Variants in ADAMTS14 observed in about 807,000 individuals in gnomAD.
ADAMTS14 encodes the protein A disintegrin and metalloproteinase with thrombospondin motifs 14.
ADAMTS14 carries 100 observed loss-of-function variants against 128.6 expected under a neutral mutation model. The ratio of observed to expected loss-of-function variants is 0.78; its 90% CI spans 0.66 to 0.92. The LOEUF (loss-of-function observed/expected upper bound fraction) is 0.92, where lower values mean the gene tolerates loss of function less well. ADAMTS14 is among the 40% of genes least tolerant of loss of function. ADAMTS14 has a pLI of 0.00. For missense variants in ADAMTS14, 1,562 were observed against 1,658.6 expected, an observed-to-expected ratio of 0.94 and a Z score of 1.01; for synonymous variants, 665 against 653.8, an observed-to-expected ratio of 1.02 and a Z score of -0.26.
chr10:70,734,573 C>G (rs1841764375), intron 8 of ADAMTS14, among the ~76,000 whole-genome samples: 1 of 152,204 alleles, frequency 6.6e-6, no homozygotes, highest in Admixed American at 6.5e-5. Flanking sequence ...CCATCCTTGG[C>G]CCCAGCAGCA....
intron 19 of ADAMTS14, among the ~76,000 whole-genome samples, chr10:70,757,565 G>A (rs1446486412): frequency 6.6e-6 from 1 of 152,068 alleles, no homozygotes; most frequent in South Asian, 2.1e-4. Flanking sequence ...ATTGCAACAG[G>A]GGAGTTTGCT....
intron 2 of ADAMTS14, among the ~76,000 whole-genome samples, chr10:70,700,346 G>T (rs1254148193): frequency 2.6e-5 from 4 of 152,120 alleles, no homozygotes; most frequent in Non-Finnish European, 5.9e-5. Context: ...TCCTTCCCGG[G>T]TTGGTTTCTT....
intron 6 of ADAMTS14, among the ~76,000 whole-genome samples, chr10:70,731,347 C>T (rs968186781): frequency 1.4e-4 from 21 of 152,186 alleles, no homozygotes; most frequent in Admixed American, 7.9e-4. Flanking sequence ...AACAGAGGCC[C>T]CAGAAACCTC....
chr10:70,736,591 C>T lies in ADAMTS14; in HGVS notation c.1486-89C>T. ...CTGCAGTGCCCTGGGTGCCTGCACT[C>T]ATCACACCCTCTTTTCTCTCCATCA... On this transcript the variant is annotated intron_variant, in intron 9 of 21. Coordinates refer to ENST00000373207, the MANE Select transcript of ADAMTS14 (RefSeq NM_080722.4). The T allele has an allele frequency of 1.2e-5, 15 of 1,267,338 alleles. No homozygotes were observed. In the South Asian group the frequency reaches 1.6e-4, roughly 13 times the overall value. The allele number at this position is 1,267,338 out of a possible 1,614,324, so 78.5% of individuals were successfully genotyped here. A position where few individuals can be genotyped will look rare whatever the true frequency, so the allele number is the denominator to read the frequency against.
chr10:70,735,180 G>A lies in ADAMTS14; in HGVS notation c.1364G>A (p.Cys455Tyr), dbSNP rs1200623279. Reference protein sequence around the residue: ...ELSRYLPSYDCLLDDPFDPAW... With the variant: ...ELSRYLPSYDYLLDDPFDPAW... Reference sequence around the variant, plus strand: ...GTCTCTACTGGCAGCTCCTACGACTGCCTCCTCGATGACCCCTTTGATCCT... The same window carrying A: ...GTCTCTACTGGCAGCTCCTACGACTACCTCCTCGATGACCCCTTTGATCCT... The change falls in exon 9 of 22, where the codon TGC (cysteine) becomes TAC (tyrosine). Residue 455 changes from cysteine to tyrosine, a missense_variant. By Grantham distance (194) the Cys-to-Tyr change is radical. Transcript: ENST00000373207. 8 of 1,612,392 alleles carry A rather than the reference G, an allele frequency of 5.0e-6. No individual in the cohort carries two copies. In the Admixed American group the frequency reaches 1.2e-4, roughly 24 times the overall value.
intron 2 of ADAMTS14, among the ~76,000 whole-genome samples, chr10:70,682,745 G>A (rs1424217958): frequency 6.6e-6 from 1 of 152,098 alleles, no homozygotes; most frequent in Non-Finnish European, 1.5e-5. Context: ...ACTCCCAGAG[G>A]GGTCTCTGGG....
At position 70,759,129 on chromosome 10, in the gene ADAMTS14, T is replaced by TTTTTTTTTTTTTTTTTGAG. The variant is rs1485675752; in HGVS notation, c.3178+844_3178+845insTTTTTTTTTTTTTTTTGAG. Among the ~76,000 whole-genome samples, 23 of 112,612 alleles carry TTTTTTTTTTTTTTTTTGAG rather than the reference T, an allele frequency of 2.0e-4. 1 individual carries two copies. Among genetic ancestry groups the TTTTTTTTTTTTTTTTTGAG allele is most frequent in the South Asian group, 8.8e-4 (3 of 3,412 alleles). 73.9% of individuals were successfully genotyped at this position (112,612 alleles called of 152,430 possible). ...AAAGGACCTTCTACCTCCAATCTTC[T>TTTTTTTTTTTTTTTTTGAG]ACTTCTCTGCTCCTAGGCTGAGGTT... On this transcript the variant is annotated intron_variant, in intron 21 of 21. Transcript: ENST00000373207.
rs186920411 is a variant in ADAMTS14 at position 70,697,118 on chromosome 10, A to T, written c.523-5194A>T. ...AAGAATGCACTCTCCTTGGGAGGTG[A>T]TGGGGTGATTGGCTGAGAGGTGGCC... On this transcript the variant is annotated intron_variant, in intron 2 of 21. Coordinates refer to ENST00000373207, the MANE Select transcript of ADAMTS14 (RefSeq NM_080722.4). 1.5e-3 allele frequency among the ~76,000 whole-genome samples: 226 copies of T among 152,282 alleles called. 1 individual carries two copies. The highest frequency in any genetic ancestry group is 2.7e-3 in the Non-Finnish European group (182 of 68,026).
At chr10:70,750,033 C>T (rs748804503) in intron 16 of ADAMTS14, 48 bp downstream of exon 16, 7 of 1,597,250 alleles carry the variant, frequency 4.4e-6, no homozygotes, top group South Asian at 3.4e-5. Flanking sequence ...CCCACTTGTC[C>T]CCTTAGCTCG....
At chr10:70,676,042 C>T (rs1442181091) in intron 2 of ADAMTS14, among the ~76,000 whole-genome samples, 1 of 152,060 alleles carries the variant, frequency 6.6e-6, no homozygotes, top group Non-Finnish European at 1.5e-5. Context: ...CTGCCTCTGT[C>T]TAGGCCAGTG....
chr10:70,678,596 G>C (rs374721466), intron 2 of ADAMTS14, among the ~76,000 whole-genome samples: 1 of 151,940 alleles, frequency 6.6e-6, no homozygotes, highest in Admixed American at 6.6e-5. Context: ...GAAGACACGC[G>C]GGGCAGGGGG....
At chr10:70,697,854 G>A (rs1484659194) in intron 2 of ADAMTS14, among the ~76,000 whole-genome samples, 11 of 152,208 alleles carry the variant, frequency 7.2e-5, no homozygotes, top group Admixed American at 2.0e-4. Context: ...AGAGGCAGCC[G>A]AATGTGTTAC....
In ADAMTS14 at chr10:70,702,533, T is replaced by C. The variant is rs577784139; in HGVS notation, c.679+65T>C. ...TACCTCTGGAGTGTTTCCCGGTCACTTCTGTCCTTAAGCTGTCCATGTCTG... is the reference window on the plus strand; with the variant it reads ...TACCTCTGGAGTGTTTCCCGGTCACCTCTGTCCTTAAGCTGTCCATGTCTG... On this transcript the variant is annotated intron_variant, in intron 3 of 21. Transcript: ENST00000373207. The C allele has an allele frequency of 6.1e-5, 93 of 1,536,264 alleles. No individual in the cohort carries two copies. In the African/African-American group the frequency reaches 9.5e-4, roughly 16 times the overall value.
intron 4 of ADAMTS14, among the ~76,000 whole-genome samples, chr10:70,714,842 A>G (rs1288821028): frequency 6.8e-6 from 1 of 147,674 alleles, no homozygotes; most frequent in African/African-American, 2.5e-5. Context: ...GCTGCTCGGG[A>G]GGCTGAGGCA....
In ADAMTS14 at chr10:70,672,887, G is replaced by A. The variant is rs1839523927; in HGVS notation, c.82+3G>A. 1.3e-6 allele frequency: 2 copies of A among 1,483,054 alleles called. No homozygotes were observed. Among genetic ancestry groups the A allele is most frequent in the Admixed American group, 2.3e-5 (1 of 42,950 alleles). 91.9% of individuals were successfully genotyped at this position (1,483,054 alleles called of 1,614,324 possible). Reference sequence around the variant, plus strand: ...CGCCGCGGGCAGCCGGACCCCAGGTGCGTGCGGGTTGGGCGCGCGGGGGCC... The same window carrying A: ...CGCCGCGGGCAGCCGGACCCCAGGTACGTGCGGGTTGGGCGCGCGGGGGCC... On this transcript the variant is annotated splice_donor_region_variant and intron_variant, in intron 1 of 21. Coordinates refer to ENST00000373207, the MANE Select transcript of ADAMTS14 (RefSeq NM_080722.4).
intron 4 of ADAMTS14, among the ~76,000 whole-genome samples, chr10:70,710,096 T>G (rs909701623): frequency 1.3e-5 from 2 of 152,058 alleles, no homozygotes; most frequent in African/African-American, 2.4e-5. Context: ...CCCTATGAAG[T>G]GTAGTACCGG....
chr10:70,721,501 T>C (rs1841263594), intron 4 of ADAMTS14, among the ~76,000 whole-genome samples: 1 of 151,988 alleles, frequency 6.6e-6, no homozygotes, highest in Non-Finnish European at 1.5e-5. Context: ...TTCTCCTGCC[T>C]CAGCCTCCCG....
intron 4 of ADAMTS14, among the ~76,000 whole-genome samples, chr10:70,714,814 G>T (rs78964793): frequency 0.066 from 10,025 of 151,654 alleles, 439 homozygotes; most frequent in East Asian, 0.17. Flanking sequence ...TGGGTGTGGT[G>T]GTGCGCCTGT....
chr10:70,757,951 A>C lies in ADAMTS14; in HGVS notation c.2938-11A>C, dbSNP rs763284123. On this transcript the variant is annotated splice_polypyrimidine_tract_variant and intron_variant, in intron 19 of 21. Transcript: ENST00000373207. ...CGGCCGCTATGCCTGGCACTGACCCACCCACGGCAGTGCTCTGCCACCTGT... is the reference window on the plus strand; with the variant it reads ...CGGCCGCTATGCCTGGCACTGACCCCCCCACGGCAGTGCTCTGCCACCTGT... The C allele has an allele frequency of 6.2e-7, 1 of 1,601,736 alleles. No homozygotes were observed. Among genetic ancestry groups the C allele is most frequent in the Non-Finnish European group, 8.5e-7 (1 of 1,174,584 alleles).
Sources: allele counts gnomAD v4.1 joint callset (sites outside exome capture counted in the v4.1 genomes callset), GRCh38; gene constraint gnomAD v4.1.1; transcripts MANE v1.5; gene names NCBI Gene and HGNC (gene_info 2026-07-23, HGNC 2026-07-21).